The following LDHB variants were observed in gnomAD, a reference collection of about 807,000 sequenced individuals.
LDHB encodes lactate dehydrogenase B, also known as L-lactate dehydrogenase B chain.
In LDHB, 18 loss-of-function variants were observed where a neutral mutation model predicts 33.4. That is an observed-to-expected ratio of 0.54 (90% confidence interval 0.37 to 0.80). The LOEUF (loss-of-function observed/expected upper bound fraction) is 0.80. Ranked by LOEUF, LDHB falls within the 30% of genes least tolerant of loss-of-function variation. The probability of loss-of-function intolerance (pLI) is 0.00; values close to 1 mark genes in which losing one functional copy is unlikely to be tolerated. For missense variants in LDHB, 345 were observed against 407.9 expected, an observed-to-expected ratio of 0.85 and a Z score of 1.33; for synonymous variants, 121 against 140.6, an observed-to-expected ratio of 0.86 and a Z score of 0.98.
chr12:21,642,419 ATTAAC>A (rs1322465547), intron 4 of LDHB, among the ~76,000 whole-genome samples: 1 of 152,186 alleles, frequency 6.6e-6, no homozygotes, highest in Non-Finnish European at 1.5e-5. Context: ...TTGCAGATTA[ATTAAC>A]TTAAAGTTGA....
At chr12:21,638,242 A>T in intron 6 of LDHB, 111 bp downstream of exon 6, 1 of 729,306 alleles carries the variant, frequency 1.4e-6, no homozygotes, top group Non-Finnish European at 2.5e-6. Context: ...TAACAGCTGC[A>T]TAATTACTAC....
chr12:21,649,753 A>G (rs1441486742), intron 2 of LDHB, among the ~76,000 whole-genome samples: 4 of 152,102 alleles, frequency 2.6e-5, no homozygotes, highest in African/African-American at 9.7e-5. Flanking sequence ...CCTAAGTAAT[A>G]AATTACTACC....
At chr12:21,655,376 T>C (rs1938811887) in intron 1 of LDHB, among the ~76,000 whole-genome samples, 2 of 152,246 alleles carry the variant, frequency 1.3e-5, no homozygotes, top group African/African-American at 4.8e-5. Flanking sequence ...TGACTCATAC[T>C]TAAGCTTGGA....
intron 1 of LDHB, 34 bp from the exon 2 acceptor site, chr12:21,654,711 T>A (rs1156376515): frequency 6.5e-7 from 1 of 1,540,034 alleles, no homozygotes; most frequent in Non-Finnish European, 9.0e-7. Context: ...TACACGTATA[T>A]CTGCATATGA....
intron 2 of LDHB, among the ~76,000 whole-genome samples, chr12:21,648,370 A>T (rs1266228606): frequency 6.6e-6 from 1 of 152,138 alleles, no homozygotes; most frequent in Non-Finnish European, 1.5e-5. Flanking sequence ...CGGATGCAAA[A>T]GACTCTCCAT....
In LDHB at chr12:21,642,122, T is replaced by G; in HGVS notation, c.425A>C (p.Asp142Ala). ...CIIIVVSNPV[D>A]ILTYVTWKLS... Reference sequence around the variant, plus strand: ...TTTCCAGGTAACATACGTAAGAATGTCCACTAAAAATTTTGGAAATAATAT... The same window carrying G: ...TTTCCAGGTAACATACGTAAGAATGGCCACTAAAAATTTTGGAAATAATAT... The change falls in exon 5 of 8, where the codon GAC becomes GCC. Residue 142 changes from aspartate to alanine, a missense_variant. Coordinates refer to ENST00000350669, the MANE Select transcript of LDHB (RefSeq NM_002300.8). 6.2e-7 allele frequency: 1 copy of G among 1,612,432 alleles called. No individual in the cohort carries two copies. Among genetic ancestry groups the G allele is most frequent in the South Asian group, 1.1e-5 (1 of 91,036 alleles).
In LDHB at chr12:21,644,074, C is replaced by T. The variant is rs767046323; in HGVS notation, c.282G>A (p.Val94=). The change falls in exon 4 of 8, where the codon GTG becomes GTA. Residue 94 remains valine, a synonymous_variant. Transcript: ENST00000350669. ...CTTGCTGACGGACTCCTGCAGTTAC[C>T]ACTACAATCTTAGAATTGGCAGTCA... The part of the protein sequence containing the change: ...YSVTANSKIV[V]VTAGVRQQEG... The T allele has an allele frequency of 6.2e-7, 1 of 1,613,430 alleles. No homozygotes were observed. Among genetic ancestry groups the T allele is most frequent in the Admixed American group, 1.7e-5 (1 of 59,996 alleles).
At chr12:21,637,317 C>G (rs1938246410) in intron 6 of LDHB, 123 bp from the exon 7 acceptor site, 1 of 732,812 alleles carries the variant, frequency 1.4e-6, no homozygotes, top group Admixed American at 2.1e-5. Flanking sequence ...CCTTTATTGC[C>G]TTAGTGTTCC....
At chr12:21,641,278 T>C (rs1938362204) in intron 5 of LDHB, among the ~76,000 whole-genome samples, 1 of 152,184 alleles carries the variant, frequency 6.6e-6, no homozygotes, top group Admixed American at 6.5e-5. Flanking sequence ...ACACTGACAT[T>C]ACATGCCTTT....
rs183355994 is a variant in LDHB at position 21,649,202 on chromosome 12, T to A, written c.130-2186A>T. ...AAATCCACAGGGCAAAACAATTTAG[T>A]GCTTAAGTAGAAAAGGATGTCACAG... On this transcript the variant is annotated intron_variant, in intron 2 of 7. Coordinates refer to ENST00000350669, the MANE Select transcript of LDHB (RefSeq NM_002300.8). 2.0e-5 allele frequency among the ~76,000 whole-genome samples: 3 copies of A among 152,328 alleles called. No homozygotes were observed. In the East Asian group the frequency reaches 5.8e-4, roughly 29 times the overall value.
intron 2 of LDHB, among the ~76,000 whole-genome samples, chr12:21,650,756 CATTT>C (rs1281672030): frequency 2.0e-5 from 3 of 152,148 alleles, no homozygotes; most frequent in African/African-American, 7.2e-5. Flanking sequence ...CAGGAGTATT[CATTT>C]ATTTATCATG....
At chr12:21,643,822 G>A (rs1938437463) in intron 4 of LDHB, 113 bp downstream of exon 4, 1 of 842,838 alleles carries the variant, frequency 1.2e-6, no homozygotes, top group African/African-American at 1.7e-5. Context: ...AAGAAGACAT[G>A]TAAACTGCTT....
In LDHB at chr12:21,641,961, C is replaced by T. The variant is rs774560856; in HGVS notation, c.586G>A (p.Asp196Asn). 1.3e-5 allele frequency: 21 copies of T among 1,611,274 alleles called. No individual in the cohort carries two copies. Among genetic ancestry groups the T allele is most frequent in the African/African-American group, 4.0e-5 (3 of 74,640 alleles). ...CHGWILGEHGDSSVAVWSGVN... is the reference protein window; with the variant it reads ...CHGWILGEHGNSSVAVWSGVN... ...TTTTTTTTTTCTTTACCACTTGAGTCGCCATGTTCCCCCAAAATCCATCCA... is the reference window on the plus strand; with the variant it reads ...TTTTTTTTTTCTTTACCACTTGAGTTGCCATGTTCCCCCAAAATCCATCCA... The change falls in exon 5 of 8, where the codon GAC becomes AAC. Residue 196 changes from aspartate (D) to asparagine (N), a missense_variant. Coordinates refer to ENST00000350669, the MANE Select transcript of LDHB (RefSeq NM_002300.8).
intron 4 of LDHB, among the ~76,000 whole-genome samples, chr12:21,643,377 G>A (rs1359862188): frequency 1.3e-5 from 2 of 152,268 alleles, no homozygotes; most frequent in Non-Finnish European, 2.9e-5. Flanking sequence ...TTTCTAGTCA[G>A]AAGGTTTAAT....
chr12:21,643,673 A>G (rs563508163), intron 4 of LDHB: 3 of 447,370 alleles, frequency 6.7e-6, no homozygotes, highest in East Asian at 7.3e-5. Context: ...AAAGTTTTAA[A>G]AGCCTTCAGA....
At chr12:21,654,480 G>C (rs1938781272) in intron 2 of LDHB, 63 bp downstream of exon 2, 1 of 1,491,040 alleles carries the variant, frequency 6.7e-7, no homozygotes, top group African/African-American at 1.4e-5. Flanking sequence ...ATTCCAAGGT[G>C]CCCAAAGAAA....
At chr12:21,655,849 A>G (rs1225411260) in intron 1 of LDHB, among the ~76,000 whole-genome samples, 1 of 152,228 alleles carries the variant, frequency 6.6e-6, no homozygotes, top group Non-Finnish European at 1.5e-5. Flanking sequence ...AAAAGAGCAA[A>G]ACTTATCGAA....
In LDHB at chr12:21,645,229, T is replaced by C. The variant is rs530802041; in HGVS notation, c.248-1121A>G. Among the ~76,000 whole-genome samples, 146 of 28,848 alleles carry C rather than the reference T, an allele frequency of 5.1e-3. No homozygotes were observed. The South Asian group carries it at 0.12, about 24-fold the overall frequency. The allele number at this position is 28,848 out of a possible 152,430, so 18.9% of individuals were successfully genotyped here. A position where few individuals can be genotyped will look rare whatever the true frequency, so the allele number is the denominator to read the frequency against. ...TAATCTCAAGTACCCAGAGACACAGTACACTATGGAAGGCCGCAGGGACCT... is the reference window on the plus strand; with the variant it reads ...TAATCTCAAGTACCCAGAGACACAGCACACTATGGAAGGCCGCAGGGACCT... On this transcript the variant is annotated intron_variant, in intron 3 of 7. Coordinates refer to ENST00000350669, the MANE Select transcript of LDHB (RefSeq NM_002300.8).
Position 21,635,634 on chromosome 12 carries a change from T to C in LDHB, c.913A>G (p.Ile305Val). Reference sequence around the variant, plus strand: ...TCATCATCCTTTAGCTTCTGGTTGATAACGCTGGTTAATCCCCGGGCATTG... The same window carrying C: ...TCATCATCCTTTAGCTTCTGGTTGACAACGCTGGTTAATCCCCGGGCATTG... Reference protein sequence around the residue: ...ILNARGLTSVINQKLKDDEVA... With the variant: ...ILNARGLTSVVNQKLKDDEVA... Residue 305 changes from isoleucine (I) to valine (V), a missense_variant, in exon 8 of 8, where the codon ATC becomes GTC. By Grantham distance (29) the Ile-to-Val change is conservative (BLOSUM62 3). Coordinates refer to ENST00000350669, the MANE Select transcript of LDHB (RefSeq NM_002300.8). The C allele has an allele frequency of 6.2e-7, 1 of 1,613,748 alleles. No homozygotes were observed. The highest frequency in any genetic ancestry group is 8.5e-7 in the Non-Finnish European group (1 of 1,179,892).
Sources: allele counts gnomAD v4.1 joint callset (sites outside exome capture counted in the v4.1 genomes callset), GRCh38; gene constraint gnomAD v4.1.1; transcripts MANE v1.5; gene names NCBI Gene and HGNC (gene_info 2026-07-23, HGNC 2026-07-21).